Variants in FNIP2 observed in about 807,000 individuals in gnomAD.
FNIP2 encodes the protein folliculin-interacting protein 2.
Under a neutral mutation model 108.7 loss-of-function variants are expected in FNIP2, and 32 were observed. The observed-to-expected ratio is 0.29, with a 90% confidence interval of 0.22 to 0.40. FNIP2 has a LOEUF of 0.40. FNIP2 is among the 10% of genes least tolerant of loss of function. The pLI, the probability that FNIP2 is intolerant of heterozygous loss-of-function variation, is 1.00. For missense variants in FNIP2, 1,202 were observed against 1,381.6 expected (o/e 0.87, Z 2.06); for synonymous variants, 480 against 496.7 (o/e 0.97, Z 0.45).
intron 12 of FNIP2, among the ~76,000 whole-genome samples, chr4:158,867,587 G>A (rs1387399911): frequency 6.6e-6 from 1 of 152,184 alleles, no homozygotes; most frequent in Non-Finnish European, 1.5e-5. Context: ...TACTTGGTGT[G>A]TGTATGCGTA....
chr4:158,868,573 A>G lies in FNIP2; in HGVS notation c.1937A>G (p.Asn646Ser). ...PASDASWKPQ[N>S]AFCGDEKNKE... ...TCAGACGCTTCCTGGAAACCTCAGA[A>G]TGCATTTTGTGGGGATGAGAAAAAT... Residue 646 changes from asparagine to serine, a missense_variant, in exon 13 of 17, where the codon AAT (asparagine) becomes AGT (serine). This residue lies in a region of FNIP2 where 878 missense variants were observed against 990.3 expected (regional missense o/e 0.89). Coordinates refer to ENST00000264433, the MANE Select transcript of FNIP2 (RefSeq NM_020840.3). The surrounding 1 kb of genome is among the most constrained non-coding windows in gnomAD (Gnocchi z 4.6). 4 of 1,613,554 alleles carry G rather than the reference A, an allele frequency of 2.5e-6. No individual in the cohort carries two copies. Among genetic ancestry groups the G allele is most frequent in the Non-Finnish European group, 3.4e-6 (4 of 1,179,664 alleles).
At chr4:158,769,905 T>G (rs779470366) in intron 1 of FNIP2, among the ~76,000 whole-genome samples, 3 of 152,224 alleles carry the variant, frequency 2.0e-5, no homozygotes, top group Non-Finnish European at 4.4e-5. Flanking sequence ...TTATGAAATT[T>G]CCGAGATTTC....
intron 16 of FNIP2, among the ~76,000 whole-genome samples, chr4:158,902,424 C>T (rs1263388154): frequency 6.6e-6 from 1 of 152,208 alleles, no homozygotes; most frequent in Non-Finnish European, 1.5e-5. Flanking sequence ...TCTGTCGGCC[C>T]CTACTGGGAG....
intron 1 of FNIP2, among the ~76,000 whole-genome samples, chr4:158,773,208 G>GA (rs1180287590): frequency 6.6e-6 from 1 of 152,150 alleles, no homozygotes; most frequent in Non-Finnish European, 1.5e-5. Flanking sequence ...CTTTCTAAAA[G>GA]AAAGTCTTTC....
intron 1 of FNIP2, among the ~76,000 whole-genome samples, chr4:158,816,289 A>G (rs2126527768): frequency 6.6e-6 from 1 of 152,276 alleles, no homozygotes; most frequent in Non-Finnish European, 1.5e-5. Context: ...AATAACATAT[A>G]AGGCAATGTC....
At chr4:158,866,347 T>G (rs2126694997) in intron 12 of FNIP2, among the ~76,000 whole-genome samples, 1 of 145,380 alleles carries the variant, frequency 6.9e-6, no homozygotes, top group Admixed American at 7.1e-5. Flanking sequence ...GCCTCCCGAG[T>G]AGCTAGGTTA....
At chr4:158,802,554 A>G (rs1776798432) in intron 1 of FNIP2, among the ~76,000 whole-genome samples, 1 of 152,210 alleles carries the variant, frequency 6.6e-6, no homozygotes, top group Non-Finnish European at 1.5e-5. Flanking sequence ...TTTTCATTAC[A>G]TATCATGATC....
chr4:158,781,162 A>G (rs190124940), intron 1 of FNIP2, among the ~76,000 whole-genome samples: 1 of 152,214 alleles, frequency 6.6e-6, no homozygotes, highest in South Asian at 2.1e-4. Flanking sequence ...GTAGTTCAGG[A>G]CCAAGTCTCT....
chr4:158,866,221 C>CTTTTTTTTTTTTTTTTTTTTTTTT (rs34074378), intron 12 of FNIP2, among the ~76,000 whole-genome samples: 1 of 59,764 alleles, frequency 1.7e-5, no homozygotes, highest in Non-Finnish European at 2.8e-5. Context: ...TCTGGTTATT[C>CTTTTTTTTTTTTTTTTTTTTTTTT]TTTTTTTTTT....
chr4:158,853,234 C>T (rs1779796987), intron 8 of FNIP2, among the ~76,000 whole-genome samples: 1 of 152,140 alleles, frequency 6.6e-6, no homozygotes, highest in Non-Finnish European at 1.5e-5. Context: ...ACTTGGCTTT[C>T]AGTGGATATA....
chr4:158,827,549 C>A (rs890080085), intron 2 of FNIP2, among the ~76,000 whole-genome samples: 1 of 152,166 alleles, frequency 6.6e-6, no homozygotes, highest in African/African-American at 2.4e-5. Flanking sequence ...TTCACTACAC[C>A]AGGTGGTTTC....
chr4:158,804,643 T>A (rs556289796), intron 1 of FNIP2, among the ~76,000 whole-genome samples: 38 of 152,286 alleles, frequency 2.5e-4, no homozygotes, highest in Non-Finnish European at 4.4e-4. Context: ...TAAATCCTGC[T>A]TCAAGTAGTC....
intron 15 of FNIP2, chr4:158,893,615 T>A (rs1782428241): frequency 8.3e-7 from 1 of 1,200,342 alleles, no homozygotes; most frequent in East Asian, 2.5e-5. Context: ...TGAGAAGCAC[T>A]TGTGGATTAT....
chr4:158,852,315 G>A (rs548484220), intron 8 of FNIP2, among the ~76,000 whole-genome samples: 4 of 152,354 alleles, frequency 2.6e-5, no homozygotes, highest in South Asian at 2.1e-4. Context: ...GGGTCAGGAT[G>A]TGTGAGCAGC....
chr4:158,806,333 C>T (rs1560765510), intron 1 of FNIP2: 2 of 1,289,238 alleles, frequency 1.6e-6, no homozygotes, highest in Non-Finnish European at 2.0e-6. Context: ...GTTCCTGGTG[C>T]TGGGAGGATT....
At chr4:158,876,121 A>C (rs1255420169) in intron 14 of FNIP2, among the ~76,000 whole-genome samples, 1 of 152,210 alleles carries the variant, frequency 6.6e-6, no homozygotes, top group Non-Finnish European at 1.5e-5. Context: ...GGTTAAAAAA[A>C]ATACTGATCT....
chr4:158,872,276 TTA>T lies in FNIP2; in HGVS notation c.2949+1809_2949+1810del, dbSNP rs1394938312. ...TCTGTAAAACCATTCATGAAATATTTTATGTTTCCATAGGCTGGCAAGTTCTC... is the reference window on the plus strand; with the variant it reads ...TCTGTAAAACCATTCATGAAATATTTTGTTTCCATAGGCTGGCAAGTTCTC... On this transcript the variant is annotated intron_variant, in intron 14 of 16. Coordinates refer to ENST00000264433, the MANE Select transcript of FNIP2 (RefSeq NM_020840.3). 33 of 985,444 alleles carry T rather than the reference TTA, an allele frequency of 3.3e-5. No individual in the cohort carries two copies. The South Asian group carries it at 8.9e-4, about 27-fold the overall frequency. 61.0% of individuals were successfully genotyped at this position (985,444 alleles called of 1,614,324 possible).
At chr4:158,824,037 A>G (rs1460144931) in intron 1 of FNIP2, among the ~76,000 whole-genome samples, 1 of 152,248 alleles carries the variant, frequency 6.6e-6, no homozygotes, top group East Asian at 1.9e-4. Flanking sequence ...TAAGAAAACA[A>G]ATCTGCTACC....
intron 3 of FNIP2, among the ~76,000 whole-genome samples, chr4:158,831,191 C>T (rs1778462531): frequency 6.6e-6 from 1 of 152,088 alleles, no homozygotes; most frequent in Admixed American, 6.5e-5. Context: ...AGGAGGTCAT[C>T]ATTGGAGCAG....
Sources: gnomAD v4.1 joint callset for allele counts (sites outside exome capture counted in the v4.1 genomes callset) on GRCh38, gnomAD v4.1.1 for gene constraint, gnomAD v4.1.1 regional missense constraint, Gnocchi (gnomAD v3.1) non-coding constraint, MANE v1.5 for transcripts, NCBI Gene and HGNC (gene_info 2026-07-23, HGNC 2026-07-21) for gene names.